Variants in ZBTB20 observed in about 807,000 individuals in gnomAD.
ZBTB20 encodes zinc finger and BTB domain containing 20, also known as zinc finger and BTB domain-containing protein 20.
ZBTB20 carries 9 observed loss-of-function variants against 56.9 expected under a neutral mutation model. The ratio of observed to expected loss-of-function variants is 0.16; its 90% confidence interval spans 0.10 to 0.28. ZBTB20 has a LOEUF of 0.28. Ranked by LOEUF, ZBTB20 falls within the 10% of genes least tolerant of loss-of-function variation. The pLI, the probability that ZBTB20 is intolerant of heterozygous loss-of-function variation, is 1.00. For synonymous variants in ZBTB20, 417 were observed against 420.7 expected, an observed-to-expected ratio of 0.99 and a Z score of 0.11; for missense variants, 655 against 1,003.0, an observed-to-expected ratio of 0.65 and a Z score of 4.69.
chr3:114,849,640 C>A (rs1207258714), intron 4 of ZBTB20, among the ~76,000 whole-genome samples: 1 of 152,068 alleles, frequency 6.6e-6, no homozygotes, highest in Non-Finnish European at 1.5e-5. Context: ...ATGATATATG[C>A]TTTGTATTGT....
chr3:114,446,314 A>T (rs2108997555), intron 7 of ZBTB20, among the ~76,000 whole-genome samples: 1 of 152,222 alleles, frequency 6.6e-6, no homozygotes, highest in African/African-American at 2.4e-5. Context: ...AAGTATATTG[A>T]TCATTTTATC....
chr3:114,637,169 T>C (rs1309238075), intron 6 of ZBTB20, among the ~76,000 whole-genome samples: 3 of 152,076 alleles, frequency 2.0e-5, no homozygotes, highest in African/African-American at 7.2e-5. Flanking sequence ...ATCCTTTTGA[T>C]TGGAATCCTC....
In ZBTB20 at chr3:114,999,563, T is replaced by C. The variant is rs532660338; in HGVS notation, c.-506-25147A>G. On this transcript the variant is annotated intron_variant, in intron 2 of 11. Coordinates refer to ENST00000675478, the MANE Select transcript of ZBTB20 (RefSeq NM_001348800.3). Reference sequence around the variant, plus strand: ...TAGAAGGAATTTCCTCAAATATTTATATTCGATACCAATATTTTTTCTAAA... The same window carrying C: ...TAGAAGGAATTTCCTCAAATATTTACATTCGATACCAATATTTTTTCTAAA... Among the ~76,000 whole-genome samples the C allele has an allele frequency of 4.3e-4, 66 of 151,834 alleles. 1 individual carries two copies. Among genetic ancestry groups the C allele is most frequent in the African/African-American group, 1.5e-3 (62 of 41,516 alleles).
chr3:114,332,347 C>T lies in ZBTB20; in HGVS notation c.*6658G>A, dbSNP rs2079291479. The T allele has an allele frequency of 6.6e-6, 1 of 152,170 alleles. No homozygotes were observed. The highest frequency in any genetic ancestry group is 2.1e-4 in the South Asian group (1 of 4,832). The allele number at this position is 152,170 out of a possible 1,614,324, so 9.4% of individuals were successfully genotyped here. A position where few individuals can be genotyped will look rare whatever the true frequency, so the allele number is the denominator to read the frequency against. ...TGAGGAAAAAAAGTTTAGAGATATACACTGTATAGAGAAAGAAAGCTTTTT... is the reference window on the plus strand; with the variant it reads ...TGAGGAAAAAAAGTTTAGAGATATATACTGTATAGAGAAAGAAAGCTTTTT... On this transcript the variant is annotated 3_prime_UTR_variant, in exon 12 of 12. Transcript: ENST00000675478.
intron 10 of ZBTB20, chr3:114,375,835 C>T (rs1001243562): frequency 6.6e-6 from 1 of 152,246 alleles, no homozygotes; most frequent in African/African-American, 2.4e-5. Flanking sequence ...CAGGAACATA[C>T]AGTAAGTACA....
At chr3:114,409,424 C>G (rs1020384154) in intron 7 of ZBTB20, among the ~76,000 whole-genome samples, 1 of 151,788 alleles carries the variant, frequency 6.6e-6, no homozygotes, top group African/African-American at 2.4e-5. Flanking sequence ...GCTGACTGTA[C>G]AGGTCCATTT....
At position 114,354,174 on chromosome 3, in the gene ZBTB20, C is replaced by T. The variant is rs1413706879; in HGVS notation, c.200-2296G>A. Among the ~76,000 whole-genome samples, 7 of 152,272 alleles carry T rather than the reference C, an allele frequency of 4.6e-5. No individual in the cohort carries two copies. The South Asian group carries it at 1.5e-3, about 32-fold the overall frequency. On this transcript the variant is annotated intron_variant, in intron 10 of 11. Coordinates refer to ENST00000675478, the MANE Select transcript of ZBTB20 (RefSeq NM_001348800.3). ...ACTTATTTTTTTAGATGTCACAGTG[C>T]AAGAAGTAAGACAACTAACTGGCAC... is the stretch of plus-strand genomic sequence containing the variant.
intron 5 of ZBTB20, among the ~76,000 whole-genome samples, chr3:114,702,116 T>C (rs2040313950): frequency 6.6e-6 from 1 of 152,084 alleles, no homozygotes; most frequent in African/African-American, 2.4e-5. Context: ...GGTGGGTGCA[T>C]GGCTTGAGCC....
At chr3:114,464,765 T>A (rs11921658) in intron 7 of ZBTB20, among the ~76,000 whole-genome samples, 1 of 152,020 alleles carries the variant, frequency 6.6e-6, no homozygotes, top group African/African-American at 2.4e-5. Flanking sequence ...GAGGCCATTG[T>A]AGACCAGCTC....
At chr3:114,452,737 T>C (rs1191178281) in intron 7 of ZBTB20, among the ~76,000 whole-genome samples, 4 of 109,772 alleles carry the variant, frequency 3.6e-5, no homozygotes, top group Non-Finnish European at 8.6e-5. Flanking sequence ...ATAGATTTTA[T>C]TTTCAGTTAA....
intron 5 of ZBTB20, among the ~76,000 whole-genome samples, chr3:114,713,076 T>A (rs574603960): frequency 6.6e-6 from 1 of 152,346 alleles, no homozygotes; most frequent in South Asian, 2.1e-4. Context: ...AATTAATCAG[T>A]CTGTACTAGT....
intron 2 of ZBTB20, among the ~76,000 whole-genome samples, chr3:114,983,162 T>A (rs997604265): frequency 1.3e-5 from 2 of 152,024 alleles, no homozygotes; most frequent in African/African-American, 4.8e-5. Flanking sequence ...TTTAAATAAA[T>A]ATACATTGTT....
intron 5 of ZBTB20, among the ~76,000 whole-genome samples, chr3:114,793,912 C>A (rs1487662680): frequency 6.6e-6 from 1 of 152,040 alleles, no homozygotes; most frequent in Non-Finnish European, 1.5e-5. Flanking sequence ...GAGAGGGCAT[C>A]TGCTAAATGT....
At chr3:114,970,499 T>G (rs563170995) in intron 3 of ZBTB20, among the ~76,000 whole-genome samples, 3 of 152,232 alleles carry the variant, frequency 2.0e-5, no homozygotes, top group African/African-American at 7.2e-5. Flanking sequence ...TAATACTTTC[T>G]GCTTGCTTCA....
At chr3:114,426,140 C>A (rs558900942) in intron 7 of ZBTB20, among the ~76,000 whole-genome samples, 5 of 152,094 alleles carry the variant, frequency 3.3e-5, no homozygotes, top group Admixed American at 6.5e-5. Flanking sequence ...TTGAGACCAT[C>A]CTGGCTAACA....
chr3:114,790,396 T>C (rs976524134), intron 5 of ZBTB20, among the ~76,000 whole-genome samples: 1 of 152,148 alleles, frequency 6.6e-6, no homozygotes, highest in Non-Finnish European at 1.5e-5. Context: ...GCTTTCTTCA[T>C]GTTCATATAA....
intron 4 of ZBTB20, among the ~76,000 whole-genome samples, chr3:114,886,230 G>C (rs2076594892): frequency 6.6e-6 from 1 of 152,182 alleles, no homozygotes; most frequent in Non-Finnish European, 1.5e-5. Flanking sequence ...CCATTTACTA[G>C]CTATTTAAAG....
intron 6 of ZBTB20, among the ~76,000 whole-genome samples, chr3:114,550,630 A>G (rs575180213): frequency 6.6e-6 from 1 of 152,346 alleles, no homozygotes; most frequent in East Asian, 1.9e-4. Context: ...CTTTTTATAA[A>G]GAAAGTTATA....
intron 1 of ZBTB20, among the ~76,000 whole-genome samples, chr3:115,140,061 A>G (rs2107343957): frequency 6.6e-6 from 1 of 152,178 alleles, no homozygotes; most frequent in East Asian, 1.9e-4. Context: ...TAACACTACC[A>G]GAAGCTAAAA....
Sources: allele counts gnomAD v4.1 joint callset (sites outside exome capture counted in the v4.1 genomes callset), GRCh38; gene constraint gnomAD v4.1.1; transcripts MANE v1.5; gene names NCBI Gene and HGNC (gene_info 2026-07-23, HGNC 2026-07-21).